Variants in SPHKAP observed in about 807,000 individuals in gnomAD.
SPHKAP encodes SPHK1 interactor, AKAP domain containing.
SPHKAP carries 67 observed loss-of-function variants against 137.5 expected under a neutral mutation model. The ratio of observed to expected loss-of-function variants is 0.49; its 90% CI spans 0.40 to 0.60. SPHKAP has a LOEUF of 0.60. Ranked by LOEUF, SPHKAP falls within the 20% of genes least tolerant of loss-of-function variation. The probability of loss-of-function intolerance (pLI) is 0.00; values close to 1 mark genes in which losing one functional copy is unlikely to be tolerated. For synonymous variants in SPHKAP, 813 were observed against 785.3 expected (o/e 1.04, Z -0.59); for missense variants, 2,097 against 2,069.3 (o/e 1.01, Z -0.26).
rs1330292304 is a variant in SPHKAP, at chr2:228,019,690, A to C, written c.1164T>G (p.Thr388=). ...LPPRQDGEVT[T]GKYATNLAES... Reference sequence around the variant, plus strand: ...CTGCTAAATTTGTAGCATACTTGCCAGTGGTGACTTCTCCATCTTGTCTAG... The same window carrying C: ...CTGCTAAATTTGTAGCATACTTGCCCGTGGTGACTTCTCCATCTTGTCTAG... The change falls in exon 7 of 12, where the codon ACT becomes ACG. Residue 388 remains threonine, a synonymous_variant. Coordinates refer to ENST00000392056, the MANE Select transcript of SPHKAP (RefSeq NM_001142644.2). 6.2e-7 allele frequency: 1 copy of C among 1,614,084 alleles called. No homozygotes were observed. Among genetic ancestry groups the C allele is most frequent in the East Asian group, 2.2e-5 (1 of 44,896 alleles).
rs993255240 is a variant in SPHKAP at position 228,016,728 on chromosome 2, CAG to C, written c.4124_4125del (p.Ser1375CysfsTer5). The C allele has an allele frequency of 6.2e-7, 1 of 1,613,960 alleles. No individual in the cohort carries two copies. Among genetic ancestry groups the C allele is most frequent in the Non-Finnish European group, 8.5e-7 (1 of 1,180,008 alleles). On this transcript the variant is annotated frameshift_variant, in exon 7 of 12. Transcript: ENST00000392056. LOFTEE classifies it high-confidence loss of function. ...ACTGGGGGCTGTTTACATTCGGTAA[CAG>C]AGTCTTTCCTCGGGCAATCGAGAGA... is the stretch of plus-strand genomic sequence containing the variant. Reference protein sequence around the residue: ...QESLDCPRKDSVTECKQPPVS... With the variant: ...QESLDCPRKDXVTECKQPPVS...
At chr2:228,117,636 C>T (rs1038267193) in intron 2 of SPHKAP, among the ~76,000 whole-genome samples, 5 of 152,056 alleles carry the variant, frequency 3.3e-5, no homozygotes, top group Admixed American at 2.6e-4. Flanking sequence ...ATAGAGATAC[C>T]ACATTCCTAC....
intron 1 of SPHKAP, among the ~76,000 whole-genome samples, chr2:228,136,954 T>C (rs544116994): frequency 6.6e-6 from 1 of 152,084 alleles, no homozygotes; most frequent in East Asian, 1.9e-4. Context: ...TCTCAGCTTA[T>C]AAATTACCTC....
intron 2 of SPHKAP, among the ~76,000 whole-genome samples, chr2:228,115,791 T>A (rs1698691881): frequency 6.6e-6 from 1 of 152,058 alleles, no homozygotes; most frequent in Admixed American, 6.6e-5. Flanking sequence ...GGATGGGGAT[T>A]GTTATGGTCT....
chr2:228,122,477 G>A (rs1160439759), intron 2 of SPHKAP, among the ~76,000 whole-genome samples: 2 of 152,172 alleles, frequency 1.3e-5, no homozygotes, highest in Non-Finnish European at 2.9e-5. Flanking sequence ...GAGTCCAGAA[G>A]AGAAGTCCTC....
intron 2 of SPHKAP, among the ~76,000 whole-genome samples, chr2:228,128,224 G>C (rs1699138160): frequency 6.6e-6 from 1 of 152,128 alleles, no homozygotes; most frequent in African/African-American, 2.4e-5. Flanking sequence ...CTCAAAACTT[G>C]CTGCTGTGTT....
chr2:228,004,603 T>G (rs1371104449), intron 7 of SPHKAP, among the ~76,000 whole-genome samples: 1 of 152,236 alleles, frequency 6.6e-6, no homozygotes, highest in Non-Finnish European at 1.5e-5. Flanking sequence ...TGCTATCTTT[T>G]GCATGTGTTT....
chr2:228,174,224 G>A (rs1700671501), intron 1 of SPHKAP, among the ~76,000 whole-genome samples: 1 of 152,030 alleles, frequency 6.6e-6, no homozygotes, highest in Admixed American at 6.6e-5. Flanking sequence ...ACCGTATTTT[G>A]AGAAAGACTG....
At chr2:228,023,929 T>A (rs77249323) in intron 5 of SPHKAP, among the ~76,000 whole-genome samples, 7 of 152,048 alleles carry the variant, frequency 4.6e-5, no homozygotes, top group Non-Finnish European at 8.8e-5. Context: ...AGACTTCTGC[T>A]GAAAACCACC....
intron 3 of SPHKAP, chr2:228,028,055 G>T: frequency 1.0e-6 from 1 of 984,966 alleles, no homozygotes; most frequent in African/African-American, 1.7e-5. Context: ...GCTTCCCACT[G>T]GTCACAACAA....
intron 3 of SPHKAP, among the ~76,000 whole-genome samples, chr2:228,102,079 T>C (rs1326271751): frequency 6.6e-6 from 1 of 152,216 alleles, no homozygotes; most frequent in African/African-American, 2.4e-5. Context: ...TTGCATCTCT[T>C]TGATTACCAG....
intron 3 of SPHKAP, among the ~76,000 whole-genome samples, chr2:228,033,056 A>G (rs1020271921): frequency 3.3e-5 from 5 of 152,318 alleles, no homozygotes; most frequent in South Asian, 2.1e-4. Flanking sequence ...AATGGGCTAA[A>G]TGCTCAAATT....
At chr2:228,126,675 G>A (rs1699084086) in intron 2 of SPHKAP, among the ~76,000 whole-genome samples, 1 of 152,096 alleles carries the variant, frequency 6.6e-6, no homozygotes, top group Non-Finnish European at 1.5e-5. Context: ...GTCACTGTAT[G>A]GTATGGTCAT....
intron 2 of SPHKAP, among the ~76,000 whole-genome samples, chr2:228,115,022 C>T (rs896022720): frequency 6.6e-5 from 10 of 152,054 alleles, no homozygotes; most frequent in African/African-American, 9.7e-5. Flanking sequence ...TTGACTAGAG[C>T]GTTGAAAGGT....
chr2:227,992,434 G>A (rs1365350999), intron 9 of SPHKAP, among the ~76,000 whole-genome samples: 1 of 152,194 alleles, frequency 6.6e-6, no homozygotes, highest in African/African-American at 2.4e-5. Flanking sequence ...GCTGACCATG[G>A]AGGTGATTGC....
intron 4 of SPHKAP, 129 bp downstream of exon 4, chr2:228,027,355 C>CG: frequency 1.1e-6 from 1 of 944,666 alleles, no homozygotes; most frequent in Non-Finnish European, 1.6e-6. Flanking sequence ...GGGAAAGGGT[C>CG]GGGGAAATGG....
chr2:228,149,758 T>C (rs1699877106), intron 1 of SPHKAP, among the ~76,000 whole-genome samples: 1 of 152,240 alleles, frequency 6.6e-6, no homozygotes, highest in Admixed American at 6.5e-5. Context: ...AAAAATTATT[T>C]ATGTAAATTT....
chr2:228,133,930 A>G (rs942903932), intron 1 of SPHKAP, among the ~76,000 whole-genome samples: 1 of 152,192 alleles, frequency 6.6e-6, no homozygotes, highest in Admixed American at 6.6e-5. Context: ...AATTTTTTAT[A>G]TATTACTTTT....
intron 1 of SPHKAP, chr2:228,172,864 C>A (rs948009044): frequency 5.7e-6 from 1 of 175,378 alleles, no homozygotes; most frequent in Non-Finnish European, 1.1e-5. Flanking sequence ...TTAACACTTA[C>A]ACTGGAAGAG....
Sources: gnomAD v4.1 joint callset for allele counts (sites outside exome capture counted in the v4.1 genomes callset) on GRCh38, gnomAD v4.1.1 for gene constraint, MANE v1.5 for transcripts, NCBI Gene and HGNC (gene_info 2026-07-23, HGNC 2026-07-21) for gene names.